PRKCH: variants seen among roughly 807,000 people sequenced by gnomAD.
PRKCH encodes the protein protein kinase C eta type.
Under a neutral mutation model 82.5 loss-of-function variants are expected in PRKCH, and 28 were observed. That is an observed-to-expected ratio of 0.34 (90% confidence interval 0.25 to 0.47). PRKCH has a LOEUF of 0.47. PRKCH is among the 20% of genes least tolerant of loss of function. The probability of loss-of-function intolerance (pLI) is 1.00; values close to 1 mark genes in which losing one functional copy is unlikely to be tolerated. For missense variants in PRKCH, 705 were observed against 881.8 expected (o/e 0.80, Z 2.54); for synonymous variants, 322 against 327.4 (o/e 0.98, Z 0.18).
intron 1 of PRKCH, among the ~76,000 whole-genome samples, chr14:61,328,278 A>AG (rs1566822553): frequency 6.6e-6 from 1 of 150,708 alleles, no homozygotes; most frequent in Non-Finnish European, 1.5e-5. Context: ...AAAAAAAAAA[A>AG]AAAGAAAGAC....
Position 61,337,626 on chromosome 14 carries a change from A to G in PRKCH, c.363+15162A>G, listed in dbSNP as rs139475858. ...TTTCTTATAGAGGTAGGGTCTCACT[A>G]TGTTGCCCAGGCTGCTCTCTAATTC... On this transcript the variant is annotated intron_variant, in intron 1 of 13. Coordinates refer to ENST00000332981, the MANE Select transcript of PRKCH (RefSeq NM_006255.5). Among the ~76,000 whole-genome samples, 1,352 of 152,204 alleles carry G rather than the reference A, an allele frequency of 8.9e-3. 11 individuals carry two copies. Among genetic ancestry groups the G allele is most frequent in the South Asian group, 0.036 (175 of 4,828 alleles).
intron 1 of PRKCH, among the ~76,000 whole-genome samples, chr14:61,193,187 C>G (rs1005800874): frequency 1.3e-5 from 2 of 152,174 alleles, no homozygotes; most frequent in African/African-American, 2.4e-5. Context: ...GGCAGGCATT[C>G]TGCATTTGGG....
At chr14:61,266,978 C>G (rs1196792567) in intron 1 of PRKCH, among the ~76,000 whole-genome samples, 3 of 152,034 alleles carry the variant, frequency 2.0e-5, no homozygotes, top group African/African-American at 7.2e-5. Context: ...AGTCTTCAAC[C>G]ACGCCAAGTC....
chr14:61,310,104 C>T lies in PRKCH; in HGVS notation c.-19+122436C>T, dbSNP rs113028297. On this transcript the variant is annotated intron_variant, in intron 1 of 3. Coordinates refer to the PRKCH transcript ENST00000555185. ...GGGGATTACAATTCGAGATGAGATT[C>T]GGGTGGGGCACAGAGCCAAACCATA... 8.9e-3 allele frequency among the ~76,000 whole-genome samples: 1,357 copies of T among 152,236 alleles called. 15 individuals are homozygous for T. Among genetic ancestry groups the T allele is most frequent in the South Asian group, 0.016 (75 of 4,816 alleles).
At chr14:61,402,732 G>T (rs990039197) in intron 2 of PRKCH, among the ~76,000 whole-genome samples, 3 of 152,034 alleles carry the variant, frequency 2.0e-5, no homozygotes, top group Non-Finnish European at 4.4e-5. Flanking sequence ...CAGGGAGTCA[G>T]AGGTTGCAGT....
intron 2 of PRKCH, among the ~76,000 whole-genome samples, chr14:61,407,407 T>A (rs1882011054): frequency 6.6e-6 from 1 of 152,194 alleles, no homozygotes; most frequent in Admixed American, 6.5e-5. Context: ...TTGGAGGGGT[T>A]CTAACCTAGG....
intron 10 of PRKCH, among the ~76,000 whole-genome samples, chr14:61,499,099 C>T (rs141871068): frequency 7.2e-5 from 11 of 152,202 alleles, no homozygotes; most frequent in African/African-American, 2.4e-4. Flanking sequence ...GCTTGGAGCT[C>T]TATTTTGAGG....
chr14:61,514,536 AGCTTCACGTT>A (rs1419458511), intron 10 of PRKCH, among the ~76,000 whole-genome samples: 37 of 152,134 alleles, frequency 2.4e-4, no homozygotes, highest in African/African-American at 8.4e-4. Flanking sequence ...AGGCAATAGC[AGCTTCACGTT>A]GGCTGTAGAG....
At chr14:61,468,018 A>C (rs1885335606) in intron 9 of PRKCH, among the ~76,000 whole-genome samples, 1 of 152,216 alleles carries the variant, frequency 6.6e-6, no homozygotes, top group African/African-American at 2.4e-5. Context: ...ATAATATACA[A>C]GCCATTTCCA....
chr14:61,530,431 C>T lies in PRKCH; in HGVS notation c.1597C>T (p.Pro533Ser), dbSNP rs753941874. ...GATCCTCCAGGAAATGCTGTACGGG[C>T]CTGCAGTAGACTGGTGGGCAATGGG... Reference protein sequence around the residue: ...PEILQEMLYGPAVDWWAMGVL... With the variant: ...PEILQEMLYGSAVDWWAMGVL... Residue 533 changes from proline (P) to serine (S), a missense_variant, in exon 12 of 14, where the codon CCT becomes TCT. This residue lies in a region of PRKCH where 115 missense variants were observed against 193.8 expected (regional missense o/e 0.59). Transcript: ENST00000332981. 4.4e-6 allele frequency: 7 copies of T among 1,604,700 alleles called. No individual in the cohort carries two copies. The highest frequency in any genetic ancestry group is 5.1e-6 in the Non-Finnish European group (6 of 1,175,376).
intron 2 of PRKCH, among the ~76,000 whole-genome samples, chr14:61,405,221 A>C (rs2140223789): frequency 6.6e-6 from 1 of 152,328 alleles, no homozygotes; most frequent in South Asian, 2.1e-4. Context: ...AAAAGTTCAA[A>C]TTGACTGTCT....
intron 2 of PRKCH, among the ~76,000 whole-genome samples, chr14:61,400,147 T>C (rs1881533953): frequency 6.6e-6 from 1 of 152,202 alleles, no homozygotes; most frequent in African/African-American, 2.4e-5. Flanking sequence ...GGTTTACAAA[T>C]AATTACGTTC....
intron 1 of PRKCH, among the ~76,000 whole-genome samples, chr14:61,265,946 T>A (rs959923093): frequency 6.6e-6 from 1 of 151,990 alleles, no homozygotes. Context: ...AATAAAAAAA[T>A]TAGCCAAGCG....
intron 10 of PRKCH, among the ~76,000 whole-genome samples, chr14:61,502,831 G>C (rs10143237): frequency 0.87 from 132,442 of 152,008 alleles, 57,745 homozygotes; most frequent in Middle Eastern, 0.9. Flanking sequence ...CAAGTTCACC[G>C]AGTGAGGATT....
chr14:61,292,687 C>G (rs1392300707), intron 1 of PRKCH, among the ~76,000 whole-genome samples: 1 of 146,242 alleles, frequency 6.8e-6, no homozygotes, highest in African/African-American at 2.5e-5. Context: ...AGGAGAATTG[C>G]TTGAACCCGG....
intron 12 of PRKCH, among the ~76,000 whole-genome samples, chr14:61,531,903 C>T (rs532446506): frequency 2.6e-5 from 4 of 152,234 alleles, no homozygotes; most frequent in African/African-American, 9.6e-5. Context: ...AAGGGCCTGT[C>T]TTCGTGGATT....
chr14:61,339,927 C>T (rs1048802771), intron 1 of PRKCH, among the ~76,000 whole-genome samples: 17 of 151,908 alleles, frequency 1.1e-4, no homozygotes, highest in African/African-American at 3.9e-4. Context: ...TCAAGCGATC[C>T]TCTTGACTTG....
intron 1 of PRKCH, among the ~76,000 whole-genome samples, chr14:61,273,517 T>G (rs528356784): frequency 3.5e-4 from 54 of 152,312 alleles, no homozygotes; most frequent in Non-Finnish European, 6.9e-4. Context: ...AATGTGAACA[T>G]TCATTAACAT....
intron 2 of PRKCH, among the ~76,000 whole-genome samples, chr14:61,397,154 G>A (rs1188336514): frequency 6.6e-6 from 1 of 152,160 alleles, no homozygotes; most frequent in Non-Finnish European, 1.5e-5. Flanking sequence ...TGTAGGGGTG[G>A]AGAGGAGGGG....
Sources: allele counts gnomAD v4.1 joint callset (sites outside exome capture counted in the v4.1 genomes callset), GRCh38; gene constraint gnomAD v4.1.1; regional missense constraint gnomAD v4.1.1; transcripts MANE v1.5; gene names NCBI Gene and HGNC (gene_info 2026-07-23, HGNC 2026-07-21).